CUL5: variants seen among roughly 807,000 people sequenced by gnomAD.
CUL5 encodes cullin-5.
Under a neutral mutation model 108.8 loss-of-function variants are expected in CUL5, and 26 were observed. The ratio of observed to expected loss-of-function variants is 0.24; its 90% CI spans 0.18 to 0.33. CUL5 has a LOEUF of 0.33. Ranked by LOEUF, CUL5 falls within the 10% of genes least tolerant of loss-of-function variation. The pLI is 1.00. For synonymous variants in CUL5, 334 were observed against 298.0 expected, an observed-to-expected ratio of 1.12 and a Z score of -1.25; for missense variants, 524 against 909.2, an observed-to-expected ratio of 0.58 and a Z score of 5.45.
In CUL5 at chr11:108,094,485, T is replaced by C. The variant is rs1187163334; in HGVS notation, c.1538T>C (p.Met513Thr). Residue 513 changes from methionine (M) to threonine (T), a missense_variant, in exon 14 of 19, where the codon ATG (methionine) becomes ACG (threonine). Met to Thr is a moderately conservative substitution (Grantham distance 81). Around this residue, in one of 8 missense-constraint regions of CUL5, gnomAD observed 23 missense variants for 19.9 expected, o/e 1.16. Coordinates refer to ENST00000393094, the MANE Select transcript of CUL5 (RefSeq NM_003478.6). The stretch of plus-strand genomic sequence containing the variant: ...GATTTGAACCAAGCTTTTAAGGAAA[T>C]GCACAAAAATAATAAATTGGCATTA... ...SEDLNQAFKEMHKNNKLALPA... is the reference protein window; with the variant it reads ...SEDLNQAFKETHKNNKLALPA... 6.7e-7 allele frequency: 1 copy of C among 1,489,908 alleles called. No homozygotes were observed. Among genetic ancestry groups the C allele is most frequent in the Non-Finnish European group, 9.2e-7 (1 of 1,084,578 alleles). 92.3% of individuals were successfully genotyped at this position (1,489,908 alleles called of 1,614,324 possible). A position where few individuals can be genotyped will look rare whatever the true frequency, so the allele number is the denominator to read the frequency against.
chr11:108,066,027 G>A (rs1324865402), intron 7 of CUL5, among the ~76,000 whole-genome samples: 1 of 151,922 alleles, frequency 6.6e-6, no homozygotes, highest in Non-Finnish European at 1.5e-5. Context: ...CACTTTTATT[G>A]TTTTACTTTT....
chr11:108,036,503 G>C (rs1862747777), intron 2 of CUL5, among the ~76,000 whole-genome samples: 1 of 152,158 alleles, frequency 6.6e-6, no homozygotes, highest in African/African-American at 2.4e-5. Flanking sequence ...TATTGAGACA[G>C]AGTCTTGCTT....
intron 7 of CUL5, among the ~76,000 whole-genome samples, chr11:108,068,390 C>T (rs1013071774): frequency 6.6e-6 from 1 of 152,042 alleles, no homozygotes; most frequent in Non-Finnish European, 1.5e-5. Context: ...ATGATCAAGG[C>T]TTACTGCAGC....
chr11:108,046,200 T>C, intron 2 of CUL5, 70 bp from the exon 3 acceptor site: 2 of 1,111,486 alleles, frequency 1.8e-6, no homozygotes, highest in Non-Finnish European at 2.6e-6. Context: ...TGTACTGAAA[T>C]AGAATTTAAG....
At chr11:108,014,181 T>C (rs1199594999) in intron 1 of CUL5, among the ~76,000 whole-genome samples, 1 of 152,192 alleles carries the variant, frequency 6.6e-6, no homozygotes, top group Non-Finnish European at 1.5e-5. Flanking sequence ...AGCTGGATTT[T>C]GAATAAAGTG....
chr11:108,031,030 C>G (rs1165500612), intron 1 of CUL5, among the ~76,000 whole-genome samples: 15 of 152,230 alleles, frequency 9.9e-5, no homozygotes, highest in Admixed American at 3.9e-4. Context: ...GTATGCATCT[C>G]AGGTTCTTAA....
intron 12 of CUL5, among the ~76,000 whole-genome samples, chr11:108,089,145 G>A (rs1280170048): frequency 6.6e-6 from 1 of 152,048 alleles, no homozygotes; most frequent in African/African-American, 2.4e-5. Flanking sequence ...GAAAGGCCGA[G>A]AGAGATGACT....
intron 11 of CUL5, among the ~76,000 whole-genome samples, chr11:108,083,968 CATT>C (rs1309414633): frequency 6.6e-6 from 1 of 152,280 alleles, no homozygotes; most frequent in African/African-American, 2.4e-5. Context: ...TTCCGTAAAA[CATT>C]ATGAGATTTT....
At chr11:108,094,698 CTT>C (rs1203654655) in intron 14 of CUL5, 112 bp from the exon 15 acceptor site, 1 of 940,300 alleles carries the variant, frequency 1.1e-6, no homozygotes, top group African/African-American at 1.7e-5. Context: ...CAAAAGGACA[CTT>C]TTAACAAAAT....
chr11:108,050,370 TC>T, intron 4 of CUL5, among the ~76,000 whole-genome samples: 2 of 151,682 alleles, frequency 1.3e-5, no homozygotes, highest in East Asian at 3.9e-4. Flanking sequence ...TTCTTTGTAC[TC>T]TTTTTTTTTT....
chr11:108,036,280 CAG>C (rs1174323684), intron 2 of CUL5, among the ~76,000 whole-genome samples: 30 of 152,268 alleles, frequency 2.0e-4, no homozygotes, highest in African/African-American at 7.0e-4. Flanking sequence ...TCCCAATACT[CAG>C]AGAGTTTAAA....
chr11:108,057,853 G>T (rs1295629472), intron 7 of CUL5, among the ~76,000 whole-genome samples: 3 of 152,126 alleles, frequency 2.0e-5, no homozygotes, highest in African/African-American at 4.8e-5. Flanking sequence ...GTTAATGTTG[G>T]GAGAAGTGAG....
At chr11:108,087,320 C>T (rs1349452437) in intron 11 of CUL5, among the ~76,000 whole-genome samples, 2 of 152,084 alleles carry the variant, frequency 1.3e-5, no homozygotes. Flanking sequence ...TGTGTATGCA[C>T]GATGTAATTG....
At chr11:108,020,815 A>G (rs1862310306) in intron 1 of CUL5, among the ~76,000 whole-genome samples, 1 of 152,234 alleles carries the variant, frequency 6.6e-6, no homozygotes, top group African/African-American at 2.4e-5. Context: ...TTTTTGGATA[A>G]TTTAGCATAG....
chr11:108,088,832 A>G (rs1252159798), intron 12 of CUL5, among the ~76,000 whole-genome samples, 173 bp downstream of exon 12: 2 of 151,968 alleles, frequency 1.3e-5, no homozygotes, highest in African/African-American at 4.8e-5. Flanking sequence ...CTTTCTGAAA[A>G]TTTTTATTCT....
chr11:108,014,774 G>T (rs977278337), intron 1 of CUL5, among the ~76,000 whole-genome samples: 2 of 152,262 alleles, frequency 1.3e-5, no homozygotes, highest in Admixed American at 1.3e-4. Context: ...TTACATTTTT[G>T]TTGGGAAGAG....
chr11:108,094,489 CA>C lies in CUL5; in HGVS notation c.1547del (p.Asn516IlefsTer13). 6.8e-7 allele frequency: 1 copy of C among 1,475,072 alleles called. No homozygotes were observed. 91.4% of individuals were successfully genotyped at this position (1,475,072 alleles called of 1,614,324 possible). A position where few individuals can be genotyped will look rare whatever the true frequency, so the allele number is the denominator to read the frequency against. The part of the protein sequence containing the change: ...DLNQAFKEMH[K>X]NNKLALPADS... Reference sequence around the variant, plus strand: ...TGAACCAAGCTTTTAAGGAAATGCACAAAAATAATAAATTGGCATTACCAGG... The same window carrying C: ...TGAACCAAGCTTTTAAGGAAATGCACAAAATAATAAATTGGCATTACCAGG... On this transcript the variant is annotated frameshift_variant, in exon 14 of 19. Coordinates refer to ENST00000393094, the MANE Select transcript of CUL5 (RefSeq NM_003478.6). LOFTEE classifies it high-confidence loss of function.
chr11:108,095,894 G>A (rs956459900), intron 16 of CUL5, among the ~76,000 whole-genome samples: 3 of 151,224 alleles, frequency 2.0e-5, no homozygotes, highest in Non-Finnish European at 4.4e-5. Flanking sequence ...TCAGGAGTTC[G>A]AGACCAGCCT....
At chr11:108,065,797 GT>G (rs543415015) in intron 7 of CUL5, among the ~76,000 whole-genome samples, 1 of 152,134 alleles carries the variant, frequency 6.6e-6, no homozygotes, top group Non-Finnish European at 1.5e-5. Context: ...TTATGAAGGT[GT>G]TTTTTTGTGT....
Sources: allele counts gnomAD v4.1 joint callset (sites outside exome capture counted in the v4.1 genomes callset), GRCh38; gene constraint gnomAD v4.1.1; regional missense constraint gnomAD v4.1.1; transcripts MANE v1.5; gene names NCBI Gene and HGNC (gene_info 2026-07-23, HGNC 2026-07-21).